Variants in NEK9 observed in about 807,000 individuals in gnomAD.
NEK9 encodes NIMA related kinase 9.
In NEK9, 75 loss-of-function variants were observed where a neutral mutation model predicts 123.4. That is an observed-to-expected ratio of 0.61 (90% CI 0.50 to 0.74). The LOEUF is 0.74. Among genes scored for constraint, NEK9 ranks in the 30% least tolerant of loss-of-function variants. The probability of loss-of-function intolerance (pLI) is 0.00; values close to 1 mark genes in which losing one functional copy is unlikely to be tolerated. For synonymous variants in NEK9, 438 were observed against 458.7 expected (o/e 0.95, Z 0.58); for missense variants, 952 against 1,214.4 (o/e 0.78, Z 3.21).
chr14:75,123,795 A>G (rs1895421622), intron 2 of NEK9, among the ~76,000 whole-genome samples: 1 of 152,222 alleles, frequency 6.6e-6, no homozygotes, highest in Non-Finnish European at 1.5e-5. Flanking sequence ...GTAAAATCCA[A>G]CCAAAGAAAA....
chr14:75,127,061 C>T (rs1895566853), upstream of NEK9: 2 of 632,028 alleles, frequency 3.2e-6, no homozygotes, highest in African/African-American at 3.9e-5. Flanking sequence ...CTCCTGCCCC[C>T]CGACCCGGAA....
At chr14:75,088,671 CTGTT>C (rs1331274220) in intron 19 of NEK9, 30 bp from the exon 20 acceptor site, 6 of 1,601,168 alleles carry the variant, frequency 3.7e-6, no homozygotes, top group Non-Finnish European at 4.3e-6. Flanking sequence ...TCTCATTAGT[CTGTT>C]TGCAGTATTT....
At chr14:75,090,584 C>T (rs1372523397) in intron 19 of NEK9, among the ~76,000 whole-genome samples, 11 of 143,166 alleles carry the variant, frequency 7.7e-5, no homozygotes, top group African/African-American at 2.9e-4. Flanking sequence ...TTTTTTTGAA[C>T]AGGGTTTTGC....
chr14:75,107,361 AATC>A lies in NEK9; in HGVS notation c.1306_1308del (p.Asp436del), dbSNP rs941589084. 34 of 1,613,498 alleles carry A rather than the reference AATC, an allele frequency of 2.1e-5. No homozygotes were observed. The Admixed American group carries it at 4.5e-4, about 21-fold the overall frequency. ...GGCTTACCAGTCACACAGACAGTGAAATCATCACCACATGACACCTGACGGATA... is the reference window on the plus strand; with the variant it reads ...GGCTTACCAGTCACACAGACAGTGAAATCACCACATGACACCTGACGGATA... On this transcript the variant is annotated inframe_deletion, in exon 11 of 22. Transcript: ENST00000238616.
At chr14:75,115,111 G>GTACATATATGCACA (rs1895095266) in intron 6 of NEK9, among the ~76,000 whole-genome samples, 1 of 15,480 alleles carries the variant, frequency 6.5e-5, no homozygotes, top group South Asian at 5.2e-3. Flanking sequence ...ACACGTGTGT[G>GTACATATATGCACA]CGTACACACA....
At chr14:75,090,613 T>C (rs535529372) in intron 19 of NEK9, among the ~76,000 whole-genome samples, 2 of 152,040 alleles carry the variant, frequency 1.3e-5, no homozygotes, top group Non-Finnish European at 1.5e-5. Flanking sequence ...CCAGGCTGGA[T>C]TGCAGTGGTA....
intron 19 of NEK9, among the ~76,000 whole-genome samples, 165 bp downstream of exon 19, chr14:75,091,105 G>A (rs1894200520): frequency 6.6e-6 from 1 of 152,174 alleles, no homozygotes; most frequent in Non-Finnish European, 1.5e-5. Flanking sequence ...AAGAAAAAAG[G>A]ATTAGTGATT....
chr14:75,123,967 CTT>C (rs1161204769), intron 2 of NEK9, 77 bp downstream of exon 2: 8 of 1,236,882 alleles, frequency 6.5e-6, no homozygotes, highest in Non-Finnish European at 9.3e-6. Context: ...GTATATGTCT[CTT>C]CTTATATTCT....
intron 14 of NEK9, among the ~76,000 whole-genome samples, chr14:75,101,995 T>C (rs537857145): frequency 4.6e-4 from 70 of 152,336 alleles, no homozygotes; most frequent in African/African-American, 1.7e-3. Flanking sequence ...CAACCAAAGT[T>C]TTAGATTCTG....
chr14:75,109,900 AG>A, intron 9 of NEK9, 23 bp from the exon 10 acceptor site: 1 of 1,575,342 alleles, frequency 6.3e-7, no homozygotes, highest in Non-Finnish European at 8.6e-7. Context: ...CCCAGAACAA[AG>A]GAACATTTAA....
chr14:75,110,414 T>G, intron 8 of NEK9, 43 bp from the exon 9 acceptor site: 1 of 1,466,944 alleles, frequency 6.8e-7, no homozygotes, highest in Non-Finnish European at 9.5e-7. Flanking sequence ...AATAATAGGT[T>G]TTTATATTGC....
intron 5 of NEK9, among the ~76,000 whole-genome samples, chr14:75,117,687 A>C (rs1006061967): frequency 1.3e-5 from 2 of 152,206 alleles, no homozygotes; most frequent in Non-Finnish European, 2.9e-5. Flanking sequence ...AAAAAAATCC[A>C]AACACTGGCA....
chr14:75,125,406 AC>A (rs1460833670), intron 1 of NEK9, among the ~76,000 whole-genome samples: 2 of 152,298 alleles, frequency 1.3e-5, no homozygotes, highest in East Asian at 3.9e-4. Context: ...GATATGGACA[AC>A]GCTATGCAAT....
chr14:75,117,683 A>G (rs999748415), intron 5 of NEK9, among the ~76,000 whole-genome samples: 12 of 152,228 alleles, frequency 7.9e-5, no homozygotes, highest in African/African-American at 1.2e-4. Flanking sequence ...TGGGAAAAAA[A>G]TCCAAACACT....
chr14:75,099,127 A>G (rs1894479158), intron 16 of NEK9, among the ~76,000 whole-genome samples: 1 of 152,226 alleles, frequency 6.6e-6, no homozygotes, highest in South Asian at 2.1e-4. Context: ...TCAGAGCACA[A>G]GCAACAACAA....
chr14:75,111,679 T>A (rs975777363), intron 8 of NEK9, among the ~76,000 whole-genome samples: 1 of 152,076 alleles, frequency 6.6e-6, no homozygotes, highest in Non-Finnish European at 1.5e-5. Flanking sequence ...TCACCTGAGG[T>A]CAGGAGTTCG....
At chr14:75,122,909 C>T (rs568353402) in intron 2 of NEK9, among the ~76,000 whole-genome samples, 167 of 151,610 alleles carry the variant, frequency 1.1e-3, no homozygotes, top group Non-Finnish European at 2.1e-3. Flanking sequence ...AGCCATCCTC[C>T]CTCCTCAGCC....
rs1251691833 is a variant in NEK9 at position 75,115,104 on chromosome 14, CGT to C, written c.763-793_763-792del. 1.7e-3 allele frequency among the ~76,000 whole-genome samples: 56 copies of C among 33,082 alleles called. No homozygotes were observed. In the South Asian group the frequency reaches 0.043, roughly 26 times the overall value. 21.7% of individuals were successfully genotyped at this position (33,082 alleles called of 152,430 possible). ...ACACGTGTGTGTACATATATGCACA[CGT>C]GTGTGCGTACACACACACACATTTC... On this transcript the variant is annotated intron_variant, in intron 6 of 21. Transcript: ENST00000238616.
intron 1 of NEK9, among the ~76,000 whole-genome samples, chr14:75,125,961 T>A (rs901334745): frequency 6.6e-6 from 1 of 152,240 alleles, no homozygotes; most frequent in Non-Finnish European, 1.5e-5. Context: ...AACTTGGGAT[T>A]CCGTGATCCA....
Sources: allele counts gnomAD v4.1 joint callset (sites outside exome capture counted in the v4.1 genomes callset), GRCh38; gene constraint gnomAD v4.1.1; transcripts MANE v1.5; gene names NCBI Gene and HGNC (gene_info 2026-07-23, HGNC 2026-07-21).